The following RBFOX1 variants were observed in gnomAD, a reference collection of about 807,000 sequenced individuals.
The protein encoded by RBFOX1 is RNA binding protein fox-1 homolog 1.
Under a neutral mutation model 57.7 loss-of-function variants are expected in RBFOX1, and 8 were observed. The ratio of observed to expected loss-of-function variants is 0.14; its 90% CI spans 0.08 to 0.25. RBFOX1 has a LOEUF of 0.25. Among genes scored for constraint, RBFOX1 ranks in the 10% least tolerant of loss-of-function variants. RBFOX1 has a pLI of 1.00. For synonymous variants in RBFOX1, 326 were observed against 222.4 expected (o/e 1.47, Z -4.15); for missense variants, 611 against 548.5 (o/e 1.11, Z -1.14).
intron 1 of RBFOX1, among the ~76,000 whole-genome samples, chr16:5,410,047 C>CAAAAAA (rs57923211): frequency 8.7e-6 from 1 of 114,850 alleles, no homozygotes; most frequent in Admixed American, 9.6e-5. Context: ...GACTCCATCT[C>CAAAAAA]AAAAAAAAAA....
chr16:7,414,908 G>A (rs868484110), intron 4 of RBFOX1, among the ~76,000 whole-genome samples: 13 of 152,256 alleles, frequency 8.5e-5, no homozygotes, highest in South Asian at 4.2e-4. Flanking sequence ...GGTGAGCCAC[G>A]GCGCCCAGCC....
intron 1 of RBFOX1, among the ~76,000 whole-genome samples, chr16:6,147,302 G>A (rs1345994360): frequency 1.3e-5 from 2 of 152,090 alleles, no homozygotes; most frequent in Non-Finnish European, 2.9e-5. Flanking sequence ...ACCATTCTGT[G>A]CTCTCATAAG....
At chr16:7,345,747 C>G (rs935559905) in intron 4 of RBFOX1, among the ~76,000 whole-genome samples, 2 of 152,204 alleles carry the variant, frequency 1.3e-5, no homozygotes, top group African/African-American at 4.8e-5. Flanking sequence ...GGATTCTTAT[C>G]TGTCCAAACA....
intron 1 of RBFOX1, among the ~76,000 whole-genome samples, chr16:6,212,694 G>A (rs936944739): frequency 1.3e-5 from 2 of 148,310 alleles, no homozygotes; most frequent in South Asian, 2.2e-4. Flanking sequence ...GTGACAGAGT[G>A]AGAGTCTGTC....
chr16:7,043,437 A>C, intron 3 of RBFOX1, among the ~76,000 whole-genome samples: 1 of 152,178 alleles, frequency 6.6e-6, no homozygotes, highest in Non-Finnish European at 1.5e-5. Flanking sequence ...TGTGTATCAT[A>C]GTCCTGAAAT....
intron 4 of RBFOX1, among the ~76,000 whole-genome samples, chr16:7,055,282 A>G (rs9921881): frequency 0.44 from 67,179 of 152,070 alleles, 18,208 homozygotes; most frequent in South Asian, 0.63. Context: ...TCTTGAGATC[A>G]TATCAGTATT....
intron 4 of RBFOX1, among the ~76,000 whole-genome samples, chr16:7,084,972 G>C (rs1311470817): frequency 6.6e-6 from 1 of 152,032 alleles, no homozygotes; most frequent in Non-Finnish European, 1.5e-5. Flanking sequence ...CTGTCTGTCT[G>C]TCTGTCCATC....
intron 4 of RBFOX1, among the ~76,000 whole-genome samples, chr16:5,999,901 A>T (rs1567239187): frequency 5.0e-5 from 2 of 40,296 alleles, no homozygotes; most frequent in East Asian, 4.2e-4. Context: ...AAAAAAAAAA[A>T]AAAAAAGAGT....
At chr16:6,829,285 A>T (rs1459038010) in intron 3 of RBFOX1, among the ~76,000 whole-genome samples, 1 of 152,050 alleles carries the variant, frequency 6.6e-6, no homozygotes, top group Non-Finnish European at 1.5e-5. Context: ...AAATCTGAGA[A>T]GTTCTACTTT....
intron 3 of RBFOX1, among the ~76,000 whole-genome samples, chr16:5,746,098 C>G (rs2052969555): frequency 1.3e-5 from 2 of 152,172 alleles, no homozygotes; most frequent in South Asian, 4.1e-4. Context: ...TTGAATCCAT[C>G]TTGAATTAAT....
chr16:6,180,103 C>A (rs1409765756), intron 1 of RBFOX1, among the ~76,000 whole-genome samples: 1 of 151,682 alleles, frequency 6.6e-6, no homozygotes, highest in African/African-American at 2.4e-5. Flanking sequence ...AGTATTCTTT[C>A]CTTTTGATTT....
At chr16:6,874,031 C>G (rs1000310901) in intron 3 of RBFOX1, 6 of 152,112 alleles carry the variant, frequency 3.9e-5, no homozygotes, top group African/African-American at 7.2e-5. Context: ...ACCTGTTGAT[C>G]CATTATCTAC....
chr16:5,673,986 C>T (rs965137829), intron 3 of RBFOX1, among the ~76,000 whole-genome samples: 9 of 152,200 alleles, frequency 5.9e-5, no homozygotes, highest in Non-Finnish European at 8.8e-5. Context: ...GGAAAGATAA[C>T]AAGTGCTTCT....
At chr16:7,417,381 A>AAAG (rs2098490306) in intron 4 of RBFOX1, among the ~76,000 whole-genome samples, 1 of 151,102 alleles carries the variant, frequency 6.6e-6, no homozygotes, top group African/African-American at 2.4e-5. Context: ...TCAAAGAAAA[A>AAAG]AAAAAAAAAG....
At chr16:6,551,059 G>A (rs1209755263) in intron 2 of RBFOX1, among the ~76,000 whole-genome samples, 1 of 152,138 alleles carries the variant, frequency 6.6e-6, no homozygotes, top group Non-Finnish European at 1.5e-5. Context: ...GGGGCCCCAG[G>A]AATTTTGCCT....
intron 2 of RBFOX1, among the ~76,000 whole-genome samples, chr16:5,521,180 T>G (rs2043998947): frequency 6.6e-6 from 1 of 152,150 alleles, no homozygotes. Context: ...CTCCCTGAGA[T>G]GAGGAGTCAC....
chr16:6,820,384 A>G (rs12709157), intron 3 of RBFOX1, among the ~76,000 whole-genome samples: 43,025 of 152,130 alleles, frequency 0.28, 6,091 homozygotes, highest in Admixed American at 0.31. Context: ...TGATAGGCCC[A>G]ACACAGTGGC....
At chr16:5,477,280 C>T (rs1310953883) in intron 2 of RBFOX1, among the ~76,000 whole-genome samples, 1 of 152,164 alleles carries the variant, frequency 6.6e-6, no homozygotes, top group Non-Finnish European at 1.5e-5. Flanking sequence ...GGCCTTAGAG[C>T]TGGTTTCAGG....
chr16:7,684,903 C>T (rs1598041750), intron 14 of RBFOX1, among the ~76,000 whole-genome samples: 1 of 151,990 alleles, frequency 6.6e-6, no homozygotes, highest in Non-Finnish European at 1.5e-5. Context: ...TGTTTTCTTC[C>T]ATTTCTGTCT....
Sources: allele counts gnomAD v4.1 joint callset (sites outside exome capture counted in the v4.1 genomes callset), GRCh38; gene constraint gnomAD v4.1.1; transcripts MANE v1.5; gene names NCBI Gene and HGNC (gene_info 2026-07-23, HGNC 2026-07-21).